AFDN: variants seen among roughly 807,000 people sequenced by gnomAD.
The protein encoded by AFDN is afadin.
In AFDN, 68 loss-of-function variants were observed where a neutral mutation model predicts 216.6. That is an observed-to-expected ratio of 0.31 (90% CI 0.26 to 0.38). The LOEUF is 0.38. Ranked by LOEUF, AFDN falls within the 10% of genes least tolerant of loss-of-function variation. The pLI is 1.00. For missense variants in AFDN, 2,136 were observed against 2,342.0 expected (o/e 0.91, Z 1.82); for synonymous variants, 868 against 853.7 (o/e 1.02, Z -0.29).
At chr6:167,950,088 A>G (rs1236635560) in intron 29 of AFDN, among the ~76,000 whole-genome samples, 1 of 152,246 alleles carries the variant, frequency 6.6e-6, no homozygotes, top group East Asian at 1.9e-4. Context: ...TTTATACCCC[A>G]GTAATGAGAC....
rs193118104 is a variant in AFDN at position 167,873,986 on chromosome 6, C to G, written c.579-1349C>G. 2.6e-3 allele frequency among the ~76,000 whole-genome samples: 394 copies of G among 152,260 alleles called. 1 individual carries two copies. Among genetic ancestry groups the G allele is most frequent in the African/African-American group, 4.9e-3 (202 of 41,532 alleles). The stretch of plus-strand genomic sequence containing the variant: ...CTAGACAGTGATGCCTATGTAATCA[C>G]TTGAGTCTAGTATTACATAATAAGA... On this transcript the variant is annotated intron_variant, in intron 4 of 33. Transcript: ENST00000683244.
intron 11 of AFDN, among the ~76,000 whole-genome samples, chr6:167,901,879 G>A (rs917038101): frequency 1.3e-5 from 2 of 151,774 alleles, no homozygotes. Flanking sequence ...GATCACCTGA[G>A]GTCAGGAGTT....
At position 167,951,564 on chromosome 6, in the gene AFDN, A is replaced by G. The variant is rs1011410425; in HGVS notation, c.4210A>G (p.Ile1404Val). The change falls in exon 30 of 34, where the codon ATA becomes GTA. Residue 1404 changes from isoleucine to valine, a missense_variant. Coordinates refer to ENST00000683244, the MANE Select transcript of AFDN (RefSeq NM_001386888.1). This position sits in a 1 kb window ranked among gnomAD's most constrained non-coding sequence, Gnocchi z 7.1. Reference protein sequence around the residue: ...PLPPPPSANQIGLPSAQVAAA... With the variant: ...PLPPPPSANQVGLPSAQVAAA... ...CCCACCACCCCCTTCCGCCAACCAG[A>G]TAGGGCTGCCGTCTGCGCAGGTGGC... 6.2e-6 allele frequency: 10 copies of G among 1,613,778 alleles called. No homozygotes were observed. The East Asian group carries it at 2.2e-4, about 36-fold the overall frequency.
In AFDN at chr6:167,855,328, C is replaced by T. The variant is rs1782777658; in HGVS notation, c.106-9223C>T. Among the ~76,000 whole-genome samples, 3 of 151,974 alleles carry T rather than the reference C, an allele frequency of 2.0e-5. No homozygotes were observed. In the South Asian group the frequency reaches 6.2e-4, roughly 32 times the overall value. Reference sequence around the variant, plus strand: ...AAATGAGCCAAGTTGTCTCCTGCCTCCAGGAGTACCTTGGCAAATGTCTTC... The same window carrying T: ...AAATGAGCCAAGTTGTCTCCTGCCTTCAGGAGTACCTTGGCAAATGTCTTC... On this transcript the variant is annotated intron_variant, in intron 1 of 33. Coordinates refer to ENST00000683244, the MANE Select transcript of AFDN (RefSeq NM_001386888.1).
At chr6:167,830,697 A>G (rs1433690437) in intron 1 of AFDN, among the ~76,000 whole-genome samples, 2 of 152,206 alleles carry the variant, frequency 1.3e-5, no homozygotes, top group Non-Finnish European at 2.9e-5. Flanking sequence ...GTGGACACCT[A>G]CATATGCTTT....
chr6:167,869,877 A>G (rs2128245354), intron 2 of AFDN, among the ~76,000 whole-genome samples: 1 of 152,340 alleles, frequency 6.6e-6, no homozygotes, highest in Middle Eastern at 3.4e-3. Flanking sequence ...TTTTGGAGAC[A>G]AGGATCAGAT....
chr6:167,943,231 G>T, intron 24 of AFDN, 37 bp downstream of exon 24: 2 of 1,575,996 alleles, frequency 1.3e-6, no homozygotes, highest in Non-Finnish European at 1.7e-6. Flanking sequence ...TTTTCAGTGT[G>T]TCATATATTC....
At chr6:167,836,565 C>T (rs895176587) in intron 1 of AFDN, among the ~76,000 whole-genome samples, 2 of 152,128 alleles carry the variant, frequency 1.3e-5, no homozygotes, top group African/African-American at 4.8e-5. Flanking sequence ...AACAAAATGT[C>T]AGAGTACTGC....
chr6:167,949,099 A>C (rs938140733), intron 29 of AFDN, among the ~76,000 whole-genome samples: 2 of 152,246 alleles, frequency 1.3e-5, no homozygotes, highest in Middle Eastern at 3.2e-3. Flanking sequence ...ATTTTTGTCC[A>C]CATTAGTAGA....
intron 3 of AFDN, among the ~76,000 whole-genome samples, chr6:167,871,314 G>A (rs1433932576): frequency 6.6e-6 from 1 of 152,130 alleles, no homozygotes; most frequent in African/African-American, 2.4e-5. Flanking sequence ...CATGTCCATT[G>A]TTTTGCTATA....
At chr6:167,881,210 G>A (rs906900984) in intron 6 of AFDN, among the ~76,000 whole-genome samples, 1 of 152,134 alleles carries the variant, frequency 6.6e-6, no homozygotes, top group African/African-American at 2.4e-5. Flanking sequence ...TAAATAAAAG[G>A]GTGTGTTGTT....
chr6:167,887,825 T>C, intron 6 of AFDN, among the ~76,000 whole-genome samples: 2 of 152,292 alleles, frequency 1.3e-5, no homozygotes, highest in East Asian at 3.9e-4. Flanking sequence ...TATTTAATTA[T>C]TTAATAAATT....
rs558476158 is a variant in AFDN at position 167,887,458 on chromosome 6, T to C, written c.898-1757T>C. Among the ~76,000 whole-genome samples the C allele has an allele frequency of 3.7e-3, 563 of 150,290 alleles. 2 individuals carry two copies. Among genetic ancestry groups the C allele is most frequent in the African/African-American group, 0.013 (528 of 40,710 alleles). Reference sequence around the variant, plus strand: ...CTCAGCTTGCCTTTTTTTTTTTTTTTCTTTTTTTCCTTTTGGAGATGAAGT... The same window carrying C: ...CTCAGCTTGCCTTTTTTTTTTTTTTCCTTTTTTTCCTTTTGGAGATGAAGT... On this transcript the variant is annotated intron_variant, in intron 6 of 33. Coordinates refer to ENST00000683244, the MANE Select transcript of AFDN (RefSeq NM_001386888.1).
intron 5 of AFDN, among the ~76,000 whole-genome samples, chr6:167,878,846 G>A (rs1785757427): frequency 6.6e-6 from 1 of 152,114 alleles, no homozygotes; most frequent in East Asian, 1.9e-4. Context: ...CTGAGACAAA[G>A]CCCTTCCTTT....
chr6:167,920,107 G>C (rs1033594010), intron 21 of AFDN, among the ~76,000 whole-genome samples: 2 of 152,130 alleles, frequency 1.3e-5, no homozygotes, highest in African/African-American at 2.4e-5. Flanking sequence ...CCTCAGAGAC[G>C]CAGAGAGAGG....
chr6:167,920,951 C>T (rs886479749), intron 21 of AFDN, among the ~76,000 whole-genome samples: 1 of 152,150 alleles, frequency 6.6e-6, no homozygotes, highest in African/African-American at 2.4e-5. Context: ...TATTTTTGCA[C>T]TGGTCACATT....
chr6:167,858,251 G>A lies in AFDN; in HGVS notation c.106-6300G>A, dbSNP rs1237989768. ...TATGGCTTACAAATGTGTAGCTGCT[G>A]TGAGCAGATGATTGTTAAGTAGATA... On this transcript the variant is annotated intron_variant, in intron 1 of 33. Coordinates refer to ENST00000683244, the MANE Select transcript of AFDN (RefSeq NM_001386888.1). 2.0e-5 allele frequency among the ~76,000 whole-genome samples: 3 copies of A among 152,168 alleles called. No individual in the cohort carries two copies. The East Asian group carries it at 5.8e-4, about 29-fold the overall frequency.
chr6:167,842,077 A>G (rs1310767671), intron 1 of AFDN, among the ~76,000 whole-genome samples: 2 of 151,974 alleles, frequency 1.3e-5, no homozygotes, highest in South Asian at 2.1e-4. Flanking sequence ...TTCTACTCCA[A>G]CTTACTGCAG....
Position 167,913,420 on chromosome 6 carries a change from C to G in AFDN, c.2055C>G (p.Asp685Glu). The change falls in exon 16 of 34, where the codon GAC becomes GAG. Residue 685 changes from aspartate to glutamate, a missense_variant. By Grantham distance (45) the Asp-to-Glu change is conservative (BLOSUM62 2). This residue lies in a region of AFDN where 817 missense variants were observed against 965.7 expected (regional missense o/e 0.85). Transcript: ENST00000683244. Reference sequence around the variant, plus strand: ...TTCTCCAGGAAGTAGACCAGGTTGACCAGGTAGGACATCTGCTGGGAGCTG... The same window carrying G: ...TTCTCCAGGAAGTAGACCAGGTTGAGCAGGTAGGACATCTGCTGGGAGCTG... ...EGVIQEVDQV[D>E]QKQKNIAGAL... 2.0e-6 allele frequency: 3 copies of G among 1,535,842 alleles called. No individual in the cohort carries two copies. The highest frequency in any genetic ancestry group is 2.7e-5 in the African/African-American group (2 of 73,102).
Sources: gnomAD v4.1 joint callset for allele counts (sites outside exome capture counted in the v4.1 genomes callset) on GRCh38, gnomAD v4.1.1 for gene constraint, gnomAD v4.1.1 regional missense constraint, Gnocchi (gnomAD v3.1) non-coding constraint, MANE v1.5 for transcripts, NCBI Gene and HGNC (gene_info 2026-07-23, HGNC 2026-07-21) for gene names.